KCNQ5: variants seen among roughly 807,000 people sequenced by gnomAD.
KCNQ5 encodes the protein potassium voltage-gated channel subfamily Q member 5.
KCNQ5 carries 30 observed loss-of-function variants against 98.2 expected under a neutral mutation model. The ratio of observed to expected loss-of-function variants is 0.31; its 90% confidence interval spans 0.23 to 0.41. KCNQ5 has a LOEUF of 0.41. Ranked by LOEUF, KCNQ5 falls within the 10% of genes least tolerant of loss-of-function variation. KCNQ5 has a pLI of 1.00. For synonymous variants in KCNQ5, 458 were observed against 449.4 expected, an observed-to-expected ratio of 1.02 and a Z score of -0.24; for missense variants, 835 against 1,182.5, an observed-to-expected ratio of 0.71 and a Z score of 4.31.
At chr6:72,915,075 A>G (rs566448196) in intron 1 of KCNQ5, among the ~76,000 whole-genome samples, 25 of 152,354 alleles carry the variant, frequency 1.6e-4, no homozygotes, top group Admixed American at 5.2e-4. Flanking sequence ...TAATTTAAAA[A>G]AAGATAAACA....
In KCNQ5 at chr6:72,910,751, G is replaced by A. The variant is rs547091060; in HGVS notation, c.399-93157G>A. ...TGGATAACTACATAAAGAAGAAACC[G>A]AAAGAGGATAAAAGTGAACATAGGT... is the stretch of plus-strand genomic sequence containing the variant. On this transcript the variant is annotated intron_variant, in intron 1 of 13. Coordinates refer to ENST00000370398, the MANE Select transcript of KCNQ5 (RefSeq NM_019842.4). Among the ~76,000 whole-genome samples, 20 of 152,106 alleles carry A rather than the reference G, an allele frequency of 1.3e-4. No individual in the cohort carries two copies. The East Asian group carries it at 2.1e-3, about 16-fold the overall frequency.
At chr6:72,953,394 T>G (rs1039832906) in intron 1 of KCNQ5, among the ~76,000 whole-genome samples, 2 of 152,222 alleles carry the variant, frequency 1.3e-5, no homozygotes, top group African/African-American at 4.8e-5. Flanking sequence ...GATAAAGCCA[T>G]TTATGTTGAA....
intron 1 of KCNQ5, among the ~76,000 whole-genome samples, chr6:72,743,771 A>G (rs891408193): frequency 2.0e-5 from 3 of 152,194 alleles, no homozygotes; most frequent in Admixed American, 6.5e-5. Flanking sequence ...TCTAATCTGT[A>G]CCTTGCCTGT....
chr6:73,055,806 C>T, intron 3 of KCNQ5: 1 of 824,328 alleles, frequency 1.2e-6, no homozygotes, highest in Non-Finnish European at 2.1e-6. Flanking sequence ...ATGAAGAGAC[C>T]ATGTGCAAAG....
chr6:72,893,509 G>A (rs1279482745), intron 1 of KCNQ5, among the ~76,000 whole-genome samples: 1 of 152,102 alleles, frequency 6.6e-6, no homozygotes, highest in Non-Finnish European at 1.5e-5. Flanking sequence ...AGCCTAATCT[G>A]CAATGCAATG....
intron 1 of KCNQ5, among the ~76,000 whole-genome samples, chr6:72,694,031 G>A (rs1768352560): frequency 6.6e-6 from 1 of 152,112 alleles, no homozygotes; most frequent in Non-Finnish European, 1.5e-5. Context: ...CATTACACAT[G>A]AATGCCAGCT....
At chr6:72,700,891 T>C (rs1768772238) in intron 1 of KCNQ5, among the ~76,000 whole-genome samples, 1 of 152,202 alleles carries the variant, frequency 6.6e-6, no homozygotes, top group African/African-American at 2.4e-5. Flanking sequence ...TCTGCCTTAA[T>C]TGACCAGATA....
At chr6:72,825,141 C>A (rs1775935467) in intron 1 of KCNQ5, among the ~76,000 whole-genome samples, 1 of 151,728 alleles carries the variant, frequency 6.6e-6, no homozygotes, top group Non-Finnish European at 1.5e-5. Context: ...CAAAACAAAA[C>A]AACAACAACA....
chr6:73,148,898 G>A (rs1340118402), intron 10 of KCNQ5, among the ~76,000 whole-genome samples: 1 of 152,188 alleles, frequency 6.6e-6, no homozygotes, highest in East Asian at 1.9e-4. Flanking sequence ...ACCTCCTAGG[G>A]AAGCACTGAG....
intron 1 of KCNQ5, among the ~76,000 whole-genome samples, chr6:72,955,426 C>T (rs1355876887): frequency 6.6e-6 from 1 of 152,100 alleles, no homozygotes; most frequent in African/African-American, 2.4e-5. Context: ...TATATTTCAT[C>T]TCTGGTAATT....
chr6:72,763,823 A>T (rs1772412834), intron 1 of KCNQ5, among the ~76,000 whole-genome samples: 1 of 152,034 alleles, frequency 6.6e-6, no homozygotes, highest in Non-Finnish European at 1.5e-5. Context: ...TGTTGTGGAA[A>T]GAAACAGGAC....
intron 1 of KCNQ5, among the ~76,000 whole-genome samples, chr6:72,821,216 AT>A (rs1775738797): frequency 6.6e-6 from 1 of 152,204 alleles, no homozygotes; most frequent in Non-Finnish European, 1.5e-5. Flanking sequence ...GTCACCCAAC[AT>A]TAATGTTCTA....
chr6:72,999,953 A>G (rs896681228), intron 1 of KCNQ5, among the ~76,000 whole-genome samples: 11 of 152,194 alleles, frequency 7.2e-5, no homozygotes, highest in Non-Finnish European at 2.9e-5. Flanking sequence ...GGTTAGCGAA[A>G]GATAAACACA....
chr6:73,119,360 C>T (rs35361475), intron 7 of KCNQ5, among the ~76,000 whole-genome samples: 3,358 of 152,264 alleles, frequency 0.022, 63 homozygotes, highest in Non-Finnish European at 0.035. Context: ...TTATCTGAGC[C>T]CTTTTTTTCT....
chr6:73,163,980 G>A (rs1777706184), intron 10 of KCNQ5, among the ~76,000 whole-genome samples: 1 of 151,990 alleles, frequency 6.6e-6, no homozygotes, highest in African/African-American at 2.4e-5. Context: ...CAAAAATTAG[G>A]TAAATAATTA....
rs1013859040 is a variant in KCNQ5 at position 72,676,629 on chromosome 6, G to A, written c.398+54042G>A. Among the ~76,000 whole-genome samples, 14 of 150,074 alleles carry A rather than the reference G, an allele frequency of 9.3e-5. No individual in the cohort carries two copies. In the East Asian group the frequency reaches 1.7e-3, roughly 19 times the overall value. ...TTACTATTCATCCCTTTAGATTGTC[G>A]TGGTTGCATTAATTGACCAACATTG... On this transcript the variant is annotated intron_variant, in intron 1 of 13. Coordinates refer to ENST00000370398, the MANE Select transcript of KCNQ5 (RefSeq NM_019842.4).
At chr6:72,947,067 G>A (rs1766581527) in intron 1 of KCNQ5, among the ~76,000 whole-genome samples, 1 of 152,054 alleles carries the variant, frequency 6.6e-6, no homozygotes, top group South Asian at 2.1e-4. Context: ...CATCCATATA[G>A]CCTTTGAACC....
intron 1 of KCNQ5, among the ~76,000 whole-genome samples, chr6:72,917,348 T>G (rs1780190832): frequency 1.3e-5 from 2 of 152,160 alleles, no homozygotes; most frequent in Non-Finnish European, 2.9e-5. Flanking sequence ...CTGTAAGACA[T>G]GAAAAAGCTT....
At chr6:73,058,478 T>C (rs1352193649) in intron 3 of KCNQ5, among the ~76,000 whole-genome samples, 3 of 152,050 alleles carry the variant, frequency 2.0e-5, no homozygotes, top group Non-Finnish European at 4.4e-5. Context: ...TCTGGACATA[T>C]AGGACCTGGC....
Sources: gnomAD v4.1 joint callset for allele counts (sites outside exome capture counted in the v4.1 genomes callset) on GRCh38, gnomAD v4.1.1 for gene constraint, MANE v1.5 for transcripts, NCBI Gene and HGNC (gene_info 2026-07-23, HGNC 2026-07-21) for gene names.